EPB41L4B: variants seen among roughly 807,000 people sequenced by gnomAD.
EPB41L4B encodes erythrocyte membrane protein band 4.1 like 4B, also known as band 4.1-like protein 4B.
EPB41L4B carries 30 observed loss-of-function variants against 112.5 expected under a neutral mutation model. The observed-to-expected ratio is 0.27, with a 90% CI of 0.20 to 0.36. EPB41L4B has a LOEUF of 0.36. Ranked by LOEUF, EPB41L4B falls within the 10% of genes least tolerant of loss-of-function variation. The probability of loss-of-function intolerance (pLI) is 1.00; values close to 1 mark genes in which losing one functional copy is unlikely to be tolerated. For synonymous variants in EPB41L4B, 408 were observed against 439.7 expected (o/e 0.93, Z 0.90); for missense variants, 1,024 against 1,133.3 (o/e 0.90, Z 1.38).
chr9:109,272,993 C>G (rs1323040275), intron 2 of EPB41L4B, among the ~76,000 whole-genome samples: 7 of 152,040 alleles, frequency 4.6e-5, no homozygotes. Flanking sequence ...GTTTCCACAC[C>G]ACGGACTAGC....
At chr9:109,225,355 T>C (rs1833721262) in intron 15 of EPB41L4B, among the ~76,000 whole-genome samples, 2 of 152,236 alleles carry the variant, frequency 1.3e-5, no homozygotes, top group African/African-American at 2.4e-5. Context: ...GGTAAAGACA[T>C]ACCCGAGACT....
intron 1 of EPB41L4B, among the ~76,000 whole-genome samples, chr9:109,306,602 GCAAAAAAA>G (rs1374295922): frequency 7.7e-4 from 89 of 115,966 alleles, no homozygotes; most frequent in East Asian, 2.4e-3. Flanking sequence ...AACAGAGCGA[GCAAAAAAA>G]CAAACAAACA....
chr9:109,255,907 C>A, intron 9 of EPB41L4B, 64 bp from the exon 10 acceptor site: 1 of 1,432,210 alleles, frequency 7.0e-7, no homozygotes, highest in Non-Finnish European at 9.6e-7. Flanking sequence ...CATCAAATAG[C>A]AGTTTCCTTT....
intron 1 of EPB41L4B, among the ~76,000 whole-genome samples, chr9:109,285,834 T>C (rs1464139427): frequency 6.6e-6 from 1 of 152,172 alleles, no homozygotes; most frequent in South Asian, 2.1e-4. Context: ...ATTTCAGGCT[T>C]AGCCCAAACA....
At chr9:109,272,904 TGG>T (rs1835676730) in intron 2 of EPB41L4B, among the ~76,000 whole-genome samples, 1 of 152,102 alleles carries the variant, frequency 6.6e-6, no homozygotes, top group Admixed American at 6.6e-5. Context: ...GGCTGGGGTG[TGG>T]GAGGTGCAGC....
At chr9:109,311,735 T>C (rs1488061553) in intron 1 of EPB41L4B, among the ~76,000 whole-genome samples, 1 of 152,124 alleles carries the variant, frequency 6.6e-6, no homozygotes, top group Non-Finnish European at 1.5e-5. Flanking sequence ...AGAACACACA[T>C]TTAACACAGG....
intron 15 of EPB41L4B, among the ~76,000 whole-genome samples, chr9:109,224,034 T>TA (rs1300797075): frequency 1.3e-5 from 2 of 148,276 alleles, no homozygotes; most frequent in Non-Finnish European, 3.0e-5. Flanking sequence ...TAAAATAAAA[T>TA]AAAAATAAAA....
Position 109,176,598 on chromosome 9 carries a change from T to C in EPB41L4B, c.2586A>G (p.Thr862=), listed in dbSNP as rs200395948. The change falls in exon 25 of 26, where the codon ACA becomes ACG. Residue 862 remains threonine (T), a synonymous_variant. Coordinates refer to ENST00000374566, the MANE Select transcript of EPB41L4B (RefSeq NM_019114.5). ...TLRPLTETVS[T]VQTIYTTRKP... is the part of the protein sequence containing the mutation. The stretch of plus-strand genomic sequence containing the variant: ...TCCGGGTGGTGTAAATGGTCTGCAC[T>C]GTGGAGACGGTCTCTGTCAAAGGCC... The C allele has an allele frequency of 4.4e-3, 7,076 of 1,614,032 alleles. 43 individuals carry two copies. Among genetic ancestry groups the C allele is most frequent in the Middle Eastern group, 0.024 (147 of 6,060 alleles).
intron 15 of EPB41L4B, among the ~76,000 whole-genome samples, chr9:109,222,829 G>A (rs1221901039): frequency 2.0e-5 from 3 of 152,146 alleles, no homozygotes; most frequent in African/African-American, 7.2e-5. Flanking sequence ...AGCTGCTGGT[G>A]CCCCCTTAGA....
intron 15 of EPB41L4B, among the ~76,000 whole-genome samples, chr9:109,238,401 T>A (rs554127930): frequency 5.6e-4 from 86 of 152,250 alleles, no homozygotes; most frequent in African/African-American, 1.8e-3. Flanking sequence ...CCATACTGGA[T>A]AAGGTTGTTC....
chr9:109,252,608 A>AG (rs1282805060), intron 12 of EPB41L4B, among the ~76,000 whole-genome samples: 1 of 152,182 alleles, frequency 6.6e-6, no homozygotes, highest in Non-Finnish European at 1.5e-5. Flanking sequence ...AGAGGTACCA[A>AG]GTCCCATGGA....
intron 14 of EPB41L4B, among the ~76,000 whole-genome samples, chr9:109,245,629 A>G (rs1834525198): frequency 6.6e-6 from 1 of 152,232 alleles, no homozygotes; most frequent in Non-Finnish European, 1.5e-5. Flanking sequence ...GTCCTCATTG[A>G]GAACACAGAG....
chr9:109,229,151 A>G (rs1421411803), intron 15 of EPB41L4B, among the ~76,000 whole-genome samples: 1 of 152,192 alleles, frequency 6.6e-6, no homozygotes, highest in Non-Finnish European at 1.5e-5. Context: ...CACTCACTTC[A>G]TGTTCATGAT....
chr9:109,284,094 AAAG>A (rs1836178931), intron 1 of EPB41L4B, among the ~76,000 whole-genome samples: 1 of 152,134 alleles, frequency 6.6e-6, no homozygotes, highest in Non-Finnish European at 1.5e-5. Flanking sequence ...AAAAAAAAGA[AAAG>A]AAAAAACGCA....
chr9:109,240,775 A>G, intron 15 of EPB41L4B: 1 of 985,480 alleles, frequency 1.0e-6, no homozygotes, highest in Non-Finnish European at 1.2e-6. Flanking sequence ...TTAAGAGTGA[A>G]GTCTAGGGTA....
chr9:109,179,886 A>C (rs1831990209), intron 24 of EPB41L4B, among the ~76,000 whole-genome samples: 1 of 152,094 alleles, frequency 6.6e-6, no homozygotes, highest in Admixed American at 6.6e-5. Flanking sequence ...TACTGTCCTG[A>C]ATCCACTCTG....
At chr9:109,255,005 C>T (rs1387357762) in intron 11 of EPB41L4B, among the ~76,000 whole-genome samples, 1 of 152,172 alleles carries the variant, frequency 6.6e-6, no homozygotes, top group Non-Finnish European at 1.5e-5. Context: ...AAGCGTAATG[C>T]CTCTGGCCCT....
chr9:109,288,592 G>A (rs890679554), intron 1 of EPB41L4B, among the ~76,000 whole-genome samples: 34 of 151,684 alleles, frequency 2.2e-4, no homozygotes, highest in African/African-American at 4.6e-4. Context: ...GCGTTGTGGC[G>A]GGCACCTGTA....
chr9:109,299,672 A>G (rs916238548), intron 1 of EPB41L4B, among the ~76,000 whole-genome samples: 1 of 152,130 alleles, frequency 6.6e-6, no homozygotes, highest in African/African-American at 2.4e-5. Flanking sequence ...AAGAATTACC[A>G]CAAGTGAATG....
Sources: gnomAD v4.1 joint callset for allele counts (sites outside exome capture counted in the v4.1 genomes callset) on GRCh38, gnomAD v4.1.1 for gene constraint, MANE v1.5 for transcripts, NCBI Gene and HGNC (gene_info 2026-07-23, HGNC 2026-07-21) for gene names.